Variants in ATP13A4 observed in about 807,000 individuals in gnomAD.
ATP13A4 encodes probable cation-transporting ATPase 13A4.
Under a neutral mutation model 142.5 loss-of-function variants are expected in ATP13A4, and 114 were observed. That is an observed-to-expected ratio of 0.80 (90% CI 0.69 to 0.93). ATP13A4 has a LOEUF of 0.93. Among genes scored for constraint, ATP13A4 ranks in the 40% least tolerant of loss-of-function variants. The pLI is 0.00. For synonymous variants in ATP13A4, 488 were observed against 514.8 expected (o/e 0.95, Z 0.70); for missense variants, 1,392 against 1,454.0 (o/e 0.96, Z 0.69).
At chr3:193,577,700 G>A (rs527336914) in intron 2 of ATP13A4, among the ~76,000 whole-genome samples, 1 of 152,324 alleles carries the variant, frequency 6.6e-6, no homozygotes, top group South Asian at 2.1e-4. Flanking sequence ...GAGGCACCAG[G>A]AGGGTGAGTG....
intron 3 of ATP13A4, among the ~76,000 whole-genome samples, chr3:193,494,824 G>A (rs1370151310): frequency 6.6e-6 from 1 of 151,748 alleles, no homozygotes; most frequent in Non-Finnish European, 1.5e-5. Flanking sequence ...CAAAGAGCTG[G>A]ATTTTTTAAA....
chr3:193,484,619 C>A (rs907074089), intron 7 of ATP13A4, among the ~76,000 whole-genome samples: 1 of 152,026 alleles, frequency 6.6e-6, no homozygotes, highest in African/African-American at 2.4e-5. Flanking sequence ...AAATTATTTG[C>A]GAATCTGATA....
chr3:193,546,232 C>A (rs1412198321), intron 1 of ATP13A4, among the ~76,000 whole-genome samples: 1 of 152,086 alleles, frequency 6.6e-6, no homozygotes, highest in Non-Finnish European at 1.5e-5. Flanking sequence ...TGAATAGTAT[C>A]AAGGAACTGA....
intron 2 of ATP13A4, among the ~76,000 whole-genome samples, chr3:193,562,817 G>A (rs1308815982): frequency 2.0e-5 from 3 of 152,200 alleles, no homozygotes; most frequent in African/African-American, 7.2e-5. Flanking sequence ...GTTGCAGTGA[G>A]CTGAGATGGT....
At chr3:193,481,056 T>C in intron 8 of ATP13A4, among the ~76,000 whole-genome samples, 2 of 152,124 alleles carry the variant, frequency 1.3e-5, no homozygotes. Context: ...TTCTCACTCA[T>C]AAGTGGGAGC....
chr3:193,474,874 T>C (rs1005380494), intron 8 of ATP13A4, among the ~76,000 whole-genome samples: 3 of 152,038 alleles, frequency 2.0e-5, no homozygotes, highest in Admixed American at 6.5e-5. Flanking sequence ...AAAAAAGTTA[T>C]TTAAACTATT....
chr3:193,566,449 C>A (rs960201412), intron 2 of ATP13A4, among the ~76,000 whole-genome samples: 1 of 152,194 alleles, frequency 6.6e-6, no homozygotes, highest in African/African-American at 2.4e-5. Flanking sequence ...CCTCAAGAAT[C>A]TGTGACTGCT....
intron 13 of ATP13A4, among the ~76,000 whole-genome samples, chr3:193,459,577 A>G (rs780344491): frequency 1.3e-5 from 2 of 152,164 alleles, no homozygotes; most frequent in Non-Finnish European, 2.9e-5. Flanking sequence ...AGCTGGAATT[A>G]CAGGCAGCCA....
intron 2 of ATP13A4, among the ~76,000 whole-genome samples, chr3:193,573,018 C>T (rs1367841451): frequency 4.2e-5 from 5 of 120,170 alleles, no homozygotes; most frequent in African/African-American, 1.4e-4. Context: ...CACCTGTGGT[C>T]CCAGTTACTC....
intron 16 of ATP13A4, among the ~76,000 whole-genome samples, chr3:193,456,563 A>G (rs1187386604): frequency 2.6e-5 from 4 of 152,212 alleles, no homozygotes; most frequent in Non-Finnish European, 4.4e-5. Context: ...GGAGCCTATG[A>G]GAGCAACTAA....
intron 2 of ATP13A4, among the ~76,000 whole-genome samples, chr3:193,561,480 A>G (rs1724015916): frequency 6.6e-6 from 1 of 152,242 alleles, no homozygotes; most frequent in South Asian, 2.1e-4. Context: ...AAGTGGATCA[A>G]TCAATGATAT....
At position 193,436,984 on chromosome 3, in the gene ATP13A4, G is replaced by A. The variant is rs1434561197; in HGVS notation, c.2673-1240C>T. Among the ~76,000 whole-genome samples the A allele has an allele frequency of 3.4e-5, 5 of 148,084 alleles. 1 individual carries two copies. The highest frequency in any genetic ancestry group is 2.0e-4 in the Admixed American group (3 of 15,068). Reference sequence around the variant, plus strand: ...CCGGGCGTGGTGGCGGGCGCCTGTAGTCCCAGCTACTTGGGAGGCTGAGGC... The same window carrying A: ...CCGGGCGTGGTGGCGGGCGCCTGTAATCCCAGCTACTTGGGAGGCTGAGGC... On this transcript the variant is annotated intron_variant, in intron 23 of 29. Transcript: ENST00000342695.
In ATP13A4 at chr3:193,402,587, A is replaced by G. The variant is rs1714302134; in HGVS notation, c.*65T>C. ...TGTTACAAGAGTCTCATTTCTTAAA[A>G]TCAATGAAACTGGTCCCTTTTGTCA... On this transcript the variant is annotated 3_prime_UTR_variant, in exon 30 of 30. Transcript: ENST00000342695. The G allele has an allele frequency of 9.0e-6, 7 of 779,822 alleles. No individual in the cohort carries two copies. In the East Asian group the frequency reaches 1.7e-4, roughly 19 times the overall value. The allele number at this position is 779,822 out of a possible 1,614,324, so 48.3% of individuals were successfully genotyped here.
At chr3:193,490,033 A>T (rs1719861231) in intron 6 of ATP13A4, among the ~76,000 whole-genome samples, 169 bp from the exon 7 acceptor site, 1 of 152,172 alleles carries the variant, frequency 6.6e-6, no homozygotes, top group African/African-American at 2.4e-5. Context: ...AAGCAACTTT[A>T]CTTGAATTTT....
chr3:193,412,064 A>C, intron 27 of ATP13A4, 114 bp downstream of exon 27: 1 of 918,678 alleles, frequency 1.1e-6, no homozygotes. Flanking sequence ...CTAGAGTGGA[A>C]GTCAAGAGAT....
At chr3:193,469,431 G>A (rs570258905) in intron 9 of ATP13A4, among the ~76,000 whole-genome samples, 134 of 152,240 alleles carry the variant, frequency 8.8e-4, no homozygotes, top group African/African-American at 3.1e-3. Flanking sequence ...TTCAAGACCA[G>A]CCTGGCCAAC....
At chr3:193,581,932 A>G (rs1195921163) in intron 1 of ATP13A4, 2 of 152,010 alleles carry the variant, frequency 1.3e-5, no homozygotes, top group African/African-American at 4.8e-5. Flanking sequence ...TAAACCGAGA[A>G]TGCATCTCAC....
In ATP13A4 at chr3:193,464,919, A is replaced by G. The variant is rs557788567; in HGVS notation, c.1461+21T>C. 101 of 1,608,510 alleles carry G rather than the reference A, an allele frequency of 6.3e-5. 2 individuals are homozygous for G. The South Asian group carries it at 1.0e-3, about 17-fold the overall frequency. The stretch of plus-strand genomic sequence containing the variant: ...AGCAATGGTAAAAATGATGATAAGA[A>G]TAAGGATGAAACACACATACCTTGT... On this transcript the variant is annotated intron_variant, in intron 12 of 29. Transcript: ENST00000342695.
At chr3:193,440,335 TACTGATTTTTTAAGCCCCATATAAACA>T in intron 21 of ATP13A4, 196 bp downstream of exon 21, 7 of 782,144 alleles carry the variant, frequency 8.9e-6, no homozygotes, top group Non-Finnish European at 1.1e-5. Context: ...TGAAAAAAAA[TACTGATTTTTTAAGCCCCATATAAACA>T]ACTGAATCAG....
Sources: allele counts gnomAD v4.1 joint callset (sites outside exome capture counted in the v4.1 genomes callset), GRCh38; gene constraint gnomAD v4.1.1; transcripts MANE v1.5; gene names NCBI Gene and HGNC (gene_info 2026-07-23, HGNC 2026-07-21).